Variants in RREB1 observed in about 807,000 individuals in gnomAD.
RREB1 encodes the protein ras-responsive element-binding protein 1.
A neutral mutation model predicts 117.8 loss-of-function variants in RREB1; 27 were observed. That is an observed-to-expected ratio of 0.23 (90% CI 0.17 to 0.32). The LOEUF is 0.32. Ranked by LOEUF, RREB1 falls within the 10% of genes least tolerant of loss-of-function variation. The probability of loss-of-function intolerance (pLI) is 1.00; values close to 1 mark genes in which losing one functional copy is unlikely to be tolerated. For synonymous variants in RREB1, 1,298 were observed against 1,026.7 expected (o/e 1.26, Z -5.05); for missense variants, 2,577 against 2,378.2 (o/e 1.08, Z -1.74).
rs776116246 is a variant in RREB1, at chr6:7,248,912, G to T, written c.5173G>T (p.Ala1725Ser). The change falls in exon 13 of 13, where the codon GCC becomes TCC. Residue 1725 changes from alanine to serine, a missense_variant. Coordinates refer to ENST00000379938, the MANE Select transcript of RREB1 (RefSeq NM_001003699.4). ...GCTGGAGCCGCGCAGCAAGAGGCCTGCCCACCCAATCCTGGCCACAGCTGA... is the reference window on the plus strand; with the variant it reads ...GCTGGAGCCGCGCAGCAAGAGGCCTTCCCACCCAATCCTGGCCACAGCTGA... ...DLLEPRSKRP[A>S]HPILATADGA... 6.5e-7 allele frequency: 1 copy of T among 1,547,480 alleles called. No individual in the cohort carries two copies. The highest frequency in any genetic ancestry group is 8.7e-7 in the Non-Finnish European group (1 of 1,148,316).
At chr6:7,184,274 A>ATT (rs144526626) in intron 4 of RREB1, among the ~76,000 whole-genome samples, 2 of 150,310 alleles carry the variant, frequency 1.3e-5, no homozygotes, top group African/African-American at 4.9e-5. Context: ...TATTATTATT[A>ATT]TTTTTTTTAT....
intron 1 of RREB1, among the ~76,000 whole-genome samples, chr6:7,110,290 T>C (rs1035720334): frequency 1.3e-5 from 2 of 152,182 alleles, no homozygotes; most frequent in Admixed American, 1.3e-4. Flanking sequence ...TAGGCAGGTA[T>C]AGTTTCTAAG....
intron 1 of RREB1, among the ~76,000 whole-genome samples, chr6:7,116,376 A>G (rs142818445): frequency 6.6e-5 from 10 of 152,290 alleles, no homozygotes; most frequent in African/African-American, 2.4e-4. Context: ...CAGCTTAAAT[A>G]CTACCTCTTC....
chr6:7,171,137 C>T (rs1331618610), intron 1 of RREB1, among the ~76,000 whole-genome samples: 1 of 152,220 alleles, frequency 6.6e-6, no homozygotes, highest in East Asian at 1.9e-4. Context: ...CAGGCAGAGC[C>T]TCCTTTGCTT....
At chr6:7,158,356 T>A (rs1056329581) in intron 1 of RREB1, among the ~76,000 whole-genome samples, 1 of 152,140 alleles carries the variant, frequency 6.6e-6, no homozygotes, top group African/African-American at 2.4e-5. Flanking sequence ...TCCCATACCA[T>A]GTTCAAACAG....
At chr6:7,199,812 C>G (rs1005992559) in intron 6 of RREB1, among the ~76,000 whole-genome samples, 2 of 152,040 alleles carry the variant, frequency 1.3e-5, no homozygotes, top group Non-Finnish European at 2.9e-5. Context: ...TACAGGCACA[C>G]TCCACCATGC....
chr6:7,151,825 C>G (rs1166581434), intron 1 of RREB1, among the ~76,000 whole-genome samples: 2 of 152,180 alleles, frequency 1.3e-5, no homozygotes, highest in East Asian at 3.8e-4. Flanking sequence ...AACCACAAAT[C>G]TTTTTGGACA....
chr6:7,167,055 G>A (rs1004984246), intron 1 of RREB1, among the ~76,000 whole-genome samples: 5 of 152,194 alleles, frequency 3.3e-5, no homozygotes, highest in African/African-American at 1.2e-4. Flanking sequence ...CATGGTGTCA[G>A]CCATGCTGTA....
At chr6:7,177,145 G>A (rs1165343298) in intron 2 of RREB1, among the ~76,000 whole-genome samples, 1 of 150,926 alleles carries the variant, frequency 6.6e-6, no homozygotes, top group Non-Finnish European at 1.5e-5. Flanking sequence ...CTTGAACCTG[G>A]GAGGCAGAGG....
At chr6:7,200,282 A>ATT (rs1163811223) in intron 6 of RREB1, among the ~76,000 whole-genome samples, 6,803 of 97,444 alleles carry the variant, frequency 0.07, 290 homozygotes, top group African/African-American at 0.11. Flanking sequence ...GTGTGTGTGT[A>ATT]TTTTTTTTTT....
intron 1 of RREB1, among the ~76,000 whole-genome samples, chr6:7,149,207 G>C (rs1763005140): frequency 6.6e-6 from 1 of 152,194 alleles, no homozygotes; most frequent in African/African-American, 2.4e-5. Flanking sequence ...ACAGTTGTGA[G>C]CCACCACGCC....
chr6:7,190,460 A>C lies in RREB1; in HGVS notation c.425+1138A>C, dbSNP rs111700121. 6.0e-4 allele frequency among the ~76,000 whole-genome samples: 91 copies of C among 152,374 alleles called. 2 individuals carry two copies. Among genetic ancestry groups the C allele is most frequent in the Middle Eastern group, 3.4e-3 (1 of 294 alleles). ...TATTTGCGTTTCTAAGTAATGCTGC[A>C]GTAATTTAAAGCCAGTGTATATCTC... On this transcript the variant is annotated intron_variant, in intron 6 of 12. Coordinates refer to ENST00000379938, the MANE Select transcript of RREB1 (RefSeq NM_001003699.4).
At chr6:7,238,729 GCA>G (rs1458565327) in intron 10 of RREB1, among the ~76,000 whole-genome samples, 1 of 152,202 alleles carries the variant, frequency 6.6e-6, no homozygotes, top group African/African-American at 2.4e-5. Flanking sequence ...CTACTCAGAA[GCA>G]CACAGGCCGG....
At position 7,204,659 on chromosome 6, in the gene RREB1, A is replaced by G. The variant is rs147393050; in HGVS notation, c.426-6145A>G. Among the ~76,000 whole-genome samples the G allele has an allele frequency of 2.5e-3, 383 of 152,268 alleles. 1 individual carries two copies. The highest frequency in any genetic ancestry group is 4.3e-3 in the Admixed American group (66 of 15,296). On this transcript the variant is annotated intron_variant, in intron 6 of 12. Coordinates refer to ENST00000379938, the MANE Select transcript of RREB1 (RefSeq NM_001003699.4). ...GCCGTGCTGTGTGTGCTTTGTATAC[A>G]GTGTCCTGTGTCCTGACGGAGTGAC...
chr6:7,211,326 G>A lies in RREB1; in HGVS notation c.571-247G>A, dbSNP rs372281874. Among the ~76,000 whole-genome samples the A allele has an allele frequency of 1.2e-4, 16 of 134,124 alleles. No homozygotes were observed. The East Asian group carries it at 3.8e-3, about 32-fold the overall frequency. The allele number at this position is 134,124 out of a possible 152,430, so 88.0% of individuals were successfully genotyped here. On this transcript the variant is annotated intron_variant, in intron 7 of 12. Coordinates refer to ENST00000379938, the MANE Select transcript of RREB1 (RefSeq NM_001003699.4). ...CAGGTGGGTGGGAGGGTGGGTGGAT[G>A]GATGGATGGACAGATGGATGGATGG...
chr6:7,117,019 G>T (rs1350659327), intron 1 of RREB1, among the ~76,000 whole-genome samples: 1 of 152,120 alleles, frequency 6.6e-6, no homozygotes, highest in East Asian at 1.9e-4. Flanking sequence ...AGGAGTGTTG[G>T]TCTGTGTATA....
chr6:7,167,105 G>A lies in RREB1; in HGVS notation c.-284-9550G>A, dbSNP rs141368892. Among the ~76,000 whole-genome samples the A allele has an allele frequency of 1.6e-3, 245 of 152,300 alleles. 2 individuals carry two copies. The highest frequency in any genetic ancestry group is 5.7e-3 in the African/African-American group (236 of 41,548). ...TTAGTTGGGAGAGAAGCAGCTTGGT[G>A]AATATAGGGAAGAAAGAGCTGCATC... On this transcript the variant is annotated intron_variant, in intron 1 of 12. Transcript: ENST00000379938.
chr6:7,171,306 G>C (rs1314274968), intron 1 of RREB1, among the ~76,000 whole-genome samples: 1 of 152,172 alleles, frequency 6.6e-6, no homozygotes, highest in Non-Finnish European at 1.5e-5. Flanking sequence ...CAGAGGTGAA[G>C]GGGGAGGAGA....
chr6:7,124,220 G>A (rs920869880), intron 1 of RREB1, among the ~76,000 whole-genome samples: 6 of 152,136 alleles, frequency 3.9e-5, no homozygotes, highest in African/African-American at 1.4e-4. Context: ...TTGTGCCTTT[G>A]TCCTTCCATT....
Sources: gnomAD v4.1 joint callset for allele counts (sites outside exome capture counted in the v4.1 genomes callset) on GRCh38, gnomAD v4.1.1 for gene constraint, MANE v1.5 for transcripts, NCBI Gene and HGNC (gene_info 2026-07-23, HGNC 2026-07-21) for gene names.